The following TMEM175 variants were observed in gnomAD, a reference collection of about 807,000 sequenced individuals.
The protein encoded by TMEM175 is transmembrane protein 175.
In TMEM175, 36 loss-of-function variants were observed where a neutral mutation model predicts 36.5. That is an observed-to-expected ratio of 0.99 (90% CI 0.76 to 1.30). The LOEUF (loss-of-function observed/expected upper bound fraction) is 1.30, where lower values mean the gene tolerates loss of function less well. Among genes scored for constraint, TMEM175 ranks in the 50% most tolerant of loss-of-function variants. The probability of loss-of-function intolerance (pLI) is 0.00; values close to 1 mark genes in which losing one functional copy is unlikely to be tolerated. For missense variants in TMEM175, 705 were observed against 692.8 expected (o/e 1.02, Z -0.20); for synonymous variants, 339 against 313.4 (o/e 1.08, Z -0.86).
intron 1 of TMEM175, 93 bp from the exon 2 acceptor site, chr4:947,616 A>T: frequency 1.0e-6 from 1 of 958,688 alleles, no homozygotes; most frequent in Non-Finnish European, 1.5e-6. Context: ...GCCCCCCCCC[A>T]TACCAGTCCC....
At position 956,197 on chromosome 4, in the gene TMEM175, C is replaced by G. The variant is rs1396961774; in HGVS notation, c.842+307C>G. On this transcript the variant is annotated intron_variant, in intron 10 of 10. Transcript: ENST00000264771. ...TCTCCTCACTCCTCTCAGAGGGGCTCAGCAGCCATGGGTATCCCCCTGCCC... is the reference window on the plus strand; with the variant it reads ...TCTCCTCACTCCTCTCAGAGGGGCTGAGCAGCCATGGGTATCCCCCTGCCC... 8.3e-6 allele frequency: 7 copies of G among 847,844 alleles called. No homozygotes were observed. In the East Asian group the frequency reaches 3.0e-4, roughly 37 times the overall value. 52.5% of individuals were successfully genotyped at this position (847,844 alleles called of 1,614,324 possible). A position where few individuals can be genotyped will look rare whatever the true frequency, so the allele number is the denominator to read the frequency against.
intron 1 of TMEM175, among the ~76,000 whole-genome samples, chr4:938,006 A>C (rs966195575): frequency 2.0e-5 from 3 of 152,186 alleles, no homozygotes; most frequent in Admixed American, 6.5e-5. Context: ...AAAAAAAAAA[A>C]AACTCAGCAA....
At chr4:936,060 T>A (rs1285820453) in intron 1 of TMEM175, among the ~76,000 whole-genome samples, 1 of 152,114 alleles carries the variant, frequency 6.6e-6, no homozygotes, top group Non-Finnish European at 1.5e-5. Context: ...CTTATGAAAC[T>A]AGAAAAGTTG....
At chr4:955,101 C>T (rs1356590945) in intron 8 of TMEM175, among the ~76,000 whole-genome samples, 1 of 152,124 alleles carries the variant, frequency 6.6e-6, no homozygotes, top group African/African-American at 2.4e-5. Context: ...CACAGTCACA[C>T]CTGACTAATT....
chr4:957,100 C>T (rs1205342649), intron 10 of TMEM175, among the ~76,000 whole-genome samples: 1 of 152,216 alleles, frequency 6.6e-6, no homozygotes, highest in Non-Finnish European at 1.5e-5. Context: ...GAGCCATGGC[C>T]AGGGGAGCTG....
chr4:954,483 G>A (rs1462610440), intron 8 of TMEM175, among the ~76,000 whole-genome samples: 1 of 147,442 alleles, frequency 6.8e-6, no homozygotes, highest in Non-Finnish European at 1.5e-5. Flanking sequence ...TAGGTGTCGT[G>A]AGTGGCGCCG....
intron 3 of TMEM175, chr4:948,580 G>A: frequency 1.5e-6 from 2 of 1,316,524 alleles, no homozygotes; most frequent in Non-Finnish European, 2.0e-6. Flanking sequence ...TCTCAGCGGG[G>A]ACACTCCCAC....
At chr4:941,107 G>A (rs990841839) in intron 1 of TMEM175, among the ~76,000 whole-genome samples, 14 of 150,088 alleles carry the variant, frequency 9.3e-5, no homozygotes, top group Non-Finnish European at 1.6e-4. Context: ...GCCGGGTGCA[G>A]TGGCTCACGC....
chr4:951,581 G>A, intron 5 of TMEM175, 101 bp from the exon 6 acceptor site: 1 of 1,480,274 alleles, frequency 6.8e-7, no homozygotes, highest in Non-Finnish European at 9.4e-7. Flanking sequence ...CACCCTTCTT[G>A]GGGAGGGCCC....
At chr4:952,756 CTGTGTG>C (rs367644317) in intron 7 of TMEM175, among the ~76,000 whole-genome samples, 3 of 142,590 alleles carry the variant, frequency 2.1e-5, no homozygotes, top group Non-Finnish European at 3.1e-5. Flanking sequence ...GGGCCCTGTG[CTGTGTG>C]TGTGTGTGTG....
chr4:955,128 G>A (rs996897451), intron 8 of TMEM175, among the ~76,000 whole-genome samples: 1 of 152,124 alleles, frequency 6.6e-6, no homozygotes, highest in Admixed American at 6.6e-5. Flanking sequence ...TTTTCGTAGA[G>A]ATACAGTCTT....
intron 1 of TMEM175, among the ~76,000 whole-genome samples, chr4:943,315 G>A (rs756426019): frequency 3.3e-5 from 5 of 152,132 alleles, no homozygotes; most frequent in Non-Finnish European, 7.3e-5. Context: ...GCAGTGGCAC[G>A]ATCTTGGCTC....
intron 1 of TMEM175, among the ~76,000 whole-genome samples, chr4:946,300 G>A (rs1728135077): frequency 6.6e-6 from 1 of 152,330 alleles, no homozygotes; most frequent in South Asian, 2.1e-4. Flanking sequence ...CCCTGCTCCG[G>A]GGCACCTGGC....
intron 8 of TMEM175, 25 bp downstream of exon 8, chr4:953,379 G>T (rs191905720): frequency 7.0e-6 from 11 of 1,579,946 alleles, no homozygotes; most frequent in Non-Finnish European, 9.5e-6. Context: ...AGCCCGTGGG[G>T]CCCAGGCAGG....
intron 4 of TMEM175, among the ~76,000 whole-genome samples, chr4:950,831 G>A (rs891914376): frequency 1.4e-5 from 2 of 140,634 alleles, no homozygotes; most frequent in Admixed American, 7.1e-5. Flanking sequence ...AGGTGTGGAT[G>A]GTGTGGATGG....
At chr4:956,039 C>G in intron 10 of TMEM175, 149 bp downstream of exon 10, 5 of 1,045,194 alleles carry the variant, frequency 4.8e-6, no homozygotes, top group Non-Finnish European at 5.4e-6. Context: ...GTCAGGGCAG[C>G]CCCCACTTCA....
intron 10 of TMEM175, chr4:956,443 GTTT>G (rs748261443): frequency 3.0e-4 from 359 of 1,205,348 alleles, no homozygotes; most frequent in Middle Eastern, 7.8e-4. Context: ...TTTTTGTGGG[GTTT>G]TTTTTTTTTT....
rs1003584440 is a variant in TMEM175, at chr4:952,141, G to A, written c.379-226G>A. The stretch of plus-strand genomic sequence containing the variant: ...GGGTCTGGGGAATTCCGTATGAATC[G>A]GATGACATTTTGGCTTTAAAGGCCT... On this transcript the variant is annotated intron_variant, in intron 6 of 10. Coordinates refer to ENST00000264771, the MANE Select transcript of TMEM175 (RefSeq NM_032326.4). 2.0e-5 allele frequency among the ~76,000 whole-genome samples: 3 copies of A among 152,344 alleles called. No individual in the cohort carries two copies. The South Asian group carries it at 6.2e-4, about 32-fold the overall frequency.
rs752495871 is a variant in TMEM175, at chr4:958,418, C to T, written c.1437C>T (p.Leu479=). ...CCACCCTGCGGGTCCTGCGGGGCCT[C>T]GCCCGGCCCGAACACCCCCCGCCAG... The part of the protein sequence containing the change: ...ALATLRVLRG[L]ARPEHPPPAP... Residue 479 remains leucine, a synonymous_variant, in exon 11 of 11, where the codon CTC becomes CTT. Transcript: ENST00000264771. The T allele has an allele frequency of 4.1e-5, 66 of 1,596,924 alleles. No individual in the cohort carries two copies. Among genetic ancestry groups the T allele is most frequent in the Non-Finnish European group, 4.8e-5 (56 of 1,177,818 alleles).
Sources: allele counts gnomAD v4.1 joint callset (sites outside exome capture counted in the v4.1 genomes callset), GRCh38; gene constraint gnomAD v4.1.1; transcripts MANE v1.5; gene names NCBI Gene and HGNC (gene_info 2026-07-23, HGNC 2026-07-21).